The following MAP3K3 variants were observed in gnomAD, a reference collection of about 807,000 sequenced individuals.
MAP3K3 encodes MAP/ERK kinase kinase 3.
In MAP3K3, 12 loss-of-function variants were observed where a neutral mutation model predicts 80.9. That is an observed-to-expected ratio of 0.15 (90% CI 0.10 to 0.24). The LOEUF is 0.24. Among genes scored for constraint, MAP3K3 ranks in the 10% least tolerant of loss-of-function variants. The pLI is 1.00. For synonymous variants in MAP3K3, 272 were observed against 307.1 expected, an observed-to-expected ratio of 0.89 and a Z score of 1.19; for missense variants, 596 against 834.7, an observed-to-expected ratio of 0.71 and a Z score of 3.52.
intron 2 of MAP3K3, among the ~76,000 whole-genome samples, chr17:63,639,808 G>T (rs934824559): frequency 1.3e-5 from 2 of 152,138 alleles, no homozygotes; most frequent in Non-Finnish European, 2.9e-5. Flanking sequence ...TGGAAGAGAT[G>T]ATTATAAAGC....
chr17:63,655,959 A>G (rs2034758394), intron 4 of MAP3K3, among the ~76,000 whole-genome samples: 2 of 152,056 alleles, frequency 1.3e-5, no homozygotes, highest in Admixed American at 6.6e-5. Flanking sequence ...GCGAGGCGCG[A>G]TGGTTCATGC....
chr17:63,676,063 C>T (rs1261113455), intron 6 of MAP3K3, among the ~76,000 whole-genome samples: 2 of 152,170 alleles, frequency 1.3e-5, no homozygotes, highest in South Asian at 2.1e-4. Context: ...TTTTTCCATT[C>T]GGTTCCTCTG....
chr17:63,667,126 G>T (rs762185565), intron 6 of MAP3K3, 66 bp downstream of exon 6: 73 of 1,459,772 alleles, frequency 5.0e-5, no homozygotes, highest in Non-Finnish European at 6.7e-5. Context: ...AAAGCAACAA[G>T]TATTTGTTAA....
rs2035510950 is a variant in MAP3K3, at chr17:63,688,539, G to C, written c.723G>C (p.Arg241=). ...TTGTTTTCTCCAGCCCATCCTTCCG[G>C]AAATCACGAATGTCCCGTGCCCAGA... ...LDRSADSPSF[R]KSRMSRAQSF... is the part of the protein sequence containing the mutation. Residue 241 remains arginine, a synonymous_variant, in exon 9 of 16, where the codon CGG becomes CGC. Coordinates refer to ENST00000361733, the MANE Select transcript of MAP3K3 (RefSeq NM_002401.5). The C allele has an allele frequency of 3.7e-6, 6 of 1,614,128 alleles. No individual in the cohort carries two copies. The East Asian group carries it at 1.3e-4, about 36-fold the overall frequency.
chr17:63,668,948 T>C (rs1245806827), intron 6 of MAP3K3, among the ~76,000 whole-genome samples: 1 of 152,080 alleles, frequency 6.6e-6, no homozygotes, highest in African/African-American at 2.4e-5. Context: ...ACATCAGAGC[T>C]GACACTCCAA....
chr17:63,688,469 C>T (rs1369540676), intron 8 of MAP3K3, 58 bp from the exon 9 acceptor site: 2 of 1,388,808 alleles, frequency 1.4e-6, no homozygotes, highest in African/African-American at 2.8e-5. Context: ...GCCTGGACGC[C>T]CTGCTTGGTT....
intron 11 of MAP3K3, 155 bp from the exon 12 acceptor site, chr17:63,690,109 T>C: frequency 2.4e-6 from 2 of 844,792 alleles, no homozygotes; most frequent in Non-Finnish European, 3.7e-6. Flanking sequence ...ACTAGGGCAC[T>C]GGGCTTGCTC....
At chr17:63,662,845 A>C (rs1028282996) in intron 5 of MAP3K3, among the ~76,000 whole-genome samples, 2 of 135,352 alleles carry the variant, frequency 1.5e-5, no homozygotes, top group African/African-American at 5.9e-5. Flanking sequence ...TTTAGTGGAG[A>C]TGGGGTTGGG....
chr17:63,689,515 G>T lies in MAP3K3; in HGVS notation c.872-29G>T, dbSNP rs375846071. 22 of 1,592,750 alleles carry T rather than the reference G, an allele frequency of 1.4e-5. No homozygotes were observed. Among genetic ancestry groups the T allele is most frequent in the Non-Finnish European group, 1.9e-5 (22 of 1,166,756 alleles). The stretch of plus-strand genomic sequence containing the variant: ...CGCCTCGTAGCCTGGGGTGTGACTT[G>T]CTCTCCTCTGGCCCTTGCACCCTTT... On this transcript the variant is annotated intron_variant, in intron 10 of 15. Coordinates refer to ENST00000361733, the MANE Select transcript of MAP3K3 (RefSeq NM_002401.5). This position sits in a 1 kb window ranked among gnomAD's most constrained non-coding sequence, Gnocchi z 4.3.
intron 4 of MAP3K3, among the ~76,000 whole-genome samples, chr17:63,656,329 G>T (rs1028563978): frequency 6.6e-6 from 1 of 151,838 alleles, no homozygotes; most frequent in Non-Finnish European, 1.5e-5. Context: ...CTGACCAGGC[G>T]TGGTGGCTCA....
At position 63,646,312 on chromosome 17, in the gene MAP3K3, A is replaced by G. The variant is rs556709554; in HGVS notation, c.167+238A>G. Among the ~76,000 whole-genome samples, 10 of 152,276 alleles carry G rather than the reference A, an allele frequency of 6.6e-5. No individual in the cohort carries two copies. In the East Asian group the frequency reaches 1.9e-3, roughly 29 times the overall value. ...TGCTGATGTTTTACTGTTCTGCTCT[A>G]TTCTGCTGCTGTGAGGTCTGACATT... On this transcript the variant is annotated intron_variant, in intron 3 of 15. Transcript: ENST00000361733.
At chr17:63,654,710 T>C (rs1472306052) in intron 4 of MAP3K3, among the ~76,000 whole-genome samples, 2 of 152,196 alleles carry the variant, frequency 1.3e-5, no homozygotes, top group African/African-American at 2.4e-5. Context: ...CTCACTCTGC[T>C]GTAAAAAACT....
rs113274333 is a variant in MAP3K3 at position 63,677,410 on chromosome 17, A to G, written c.503-4356A>G. On this transcript the variant is annotated intron_variant, in intron 6 of 15. Coordinates refer to ENST00000361733, the MANE Select transcript of MAP3K3 (RefSeq NM_002401.5). ...GGAAGCAGGCAGTAGGCTAATTTTT[A>G]TAAGCAAAGGGTTAAATAGTGCTCT... is the stretch of plus-strand genomic sequence containing the variant. 1.0e-3 allele frequency among the ~76,000 whole-genome samples: 154 copies of G among 152,330 alleles called. 2 individuals carry two copies. Among genetic ancestry groups the G allele is most frequent in the Middle Eastern group, 3.4e-3 (1 of 294 alleles).
At chr17:63,634,589 T>C (rs2143194611) in intron 2 of MAP3K3, 1 of 813,214 alleles carries the variant, frequency 1.2e-6, no homozygotes, top group Non-Finnish European at 2.0e-6. Flanking sequence ...GGATTGACTG[T>C]TAGGAAGTAA....
At chr17:63,644,139 T>G (rs2034497302) in intron 2 of MAP3K3, among the ~76,000 whole-genome samples, 1 of 152,172 alleles carries the variant, frequency 6.6e-6, no homozygotes, top group Non-Finnish European at 1.5e-5. Flanking sequence ...AAATGCTCAA[T>G]AAACGTTAGC....
At chr17:63,653,312 G>A (rs2034697156) in intron 4 of MAP3K3, among the ~76,000 whole-genome samples, 1 of 152,220 alleles carries the variant, frequency 6.6e-6, no homozygotes, top group Non-Finnish European at 1.5e-5. Context: ...GCTTTGCAGT[G>A]TATTTATGCT....
chr17:63,665,703 A>G (rs993468888), intron 5 of MAP3K3, among the ~76,000 whole-genome samples: 1 of 152,088 alleles, frequency 6.6e-6, no homozygotes, highest in Non-Finnish European at 1.5e-5. Flanking sequence ...GACCCTTAGC[A>G]GAGAGCTATT....
chr17:63,656,253 A>G (rs566291838), intron 4 of MAP3K3, among the ~76,000 whole-genome samples: 1 of 151,382 alleles, frequency 6.6e-6, no homozygotes, highest in South Asian at 2.1e-4. Context: ...TTGTATTATA[A>G]ATTGGGAACT....
intron 2 of MAP3K3, among the ~76,000 whole-genome samples, chr17:63,639,810 T>G (rs563286210): frequency 1.3e-5 from 2 of 152,306 alleles, no homozygotes; most frequent in South Asian, 4.1e-4. Flanking sequence ...GAAGAGATGA[T>G]TATAAAGCAA....
Sources: gnomAD v4.1 joint callset for allele counts (sites outside exome capture counted in the v4.1 genomes callset) on GRCh38, gnomAD v4.1.1 for gene constraint, Gnocchi (gnomAD v3.1) non-coding constraint, MANE v1.5 for transcripts, NCBI Gene and HGNC (gene_info 2026-07-23, HGNC 2026-07-21) for gene names.